The following BCAS3 variants were observed in gnomAD, a reference collection of about 807,000 sequenced individuals.
BCAS3 encodes the protein BCAS4/BCAS3 fusion.
A neutral mutation model predicts 116.1 loss-of-function variants in BCAS3; 53 were observed. That is an observed-to-expected ratio of 0.46 (90% CI 0.37 to 0.57). The LOEUF (loss-of-function observed/expected upper bound fraction) is 0.57. BCAS3 is among the 20% of genes least tolerant of loss of function. The pLI is 0.00. For missense variants in BCAS3, 917 were observed against 1,165.4 expected, an observed-to-expected ratio of 0.79 and a Z score of 3.10; for synonymous variants, 391 against 408.2, an observed-to-expected ratio of 0.96 and a Z score of 0.51.
intron 10 of BCAS3, 123 bp from the exon 11 acceptor site, chr17:60,902,497 C>A: frequency 1.3e-6 from 1 of 769,162 alleles, no homozygotes; most frequent in Non-Finnish European, 2.2e-6. Context: ...GAAATACACT[C>A]ATGCAAACAT....
In BCAS3 at chr17:61,007,976, G is replaced by C. The variant is rs1437152629; in HGVS notation, c.1487-7775G>C. ...ACAGGATTGTCCTTCAGTATTTTCTGTCTTTATTTGTCACCCAAACTGTTT... is the reference window on the plus strand; with the variant it reads ...ACAGGATTGTCCTTCAGTATTTTCTCTCTTTATTTGTCACCCAAACTGTTT... On this transcript the variant is annotated intron_variant, in intron 15 of 23. Coordinates refer to ENST00000407086, the MANE Select transcript of BCAS3 (RefSeq NM_017679.5). This position sits in a 1 kb window ranked among gnomAD's most constrained non-coding sequence, Gnocchi z 4.3. Among the ~76,000 whole-genome samples the C allele has an allele frequency of 6.6e-6, 1 of 151,968 alleles. No individual in the cohort carries two copies. The highest frequency in any genetic ancestry group is 2.4e-5 in the African/African-American group (1 of 41,380).
intron 13 of BCAS3, among the ~76,000 whole-genome samples, chr17:60,944,313 T>A (rs1340607480): frequency 6.6e-6 from 1 of 152,036 alleles, no homozygotes; most frequent in Non-Finnish European, 1.5e-5. Flanking sequence ...AAAGGATGAA[T>A]TCCTTGAATT....
intron 22 of BCAS3, among the ~76,000 whole-genome samples, chr17:61,116,237 AT>A (rs1176490583): frequency 3.0e-4 from 31 of 104,916 alleles, no homozygotes; most frequent in African/African-American, 1.0e-3. Flanking sequence ...AACTTAAAGT[AT>A]AATAAAAAAA....
rs569283828 is a variant in BCAS3, at chr17:61,186,390, G to A, written c.2425+101826G>A. On this transcript the variant is annotated intron_variant, in intron 22 of 23. Transcript: ENST00000407086. This position sits in a 1 kb window ranked among gnomAD's most constrained non-coding sequence, Gnocchi z 4.9. ...TGCTTAACGAAAACATTTTTAACCT[G>A]TGTGTTGATTTTATTACAATTATCT... Among the ~76,000 whole-genome samples the A allele has an allele frequency of 9.2e-5, 14 of 152,092 alleles. No individual in the cohort carries two copies. The highest frequency in any genetic ancestry group is 1.9e-4 in the Non-Finnish European group (13 of 68,020).
intron 21 of BCAS3, among the ~76,000 whole-genome samples, chr17:61,079,989 T>A (rs2072423204): frequency 6.7e-6 from 1 of 149,468 alleles, no homozygotes; most frequent in South Asian, 2.2e-4. Context: ...GAATGTATTC[T>A]AGCCTCCTGT....
intron 10 of BCAS3, among the ~76,000 whole-genome samples, chr17:60,897,256 G>A (rs944555468): frequency 2.6e-5 from 4 of 152,052 alleles, no homozygotes; most frequent in African/African-American, 7.2e-5. Context: ...GGCTTGTGAG[G>A]TTTCTGCTAA....
intron 7 of BCAS3, among the ~76,000 whole-genome samples, chr17:60,854,744 G>C (rs1279029442): frequency 6.6e-6 from 1 of 152,110 alleles, no homozygotes. Context: ...TACACTGTTG[G>C]TGGGACGGTA....
chr17:61,311,135 A>G (rs1886590767), intron 22 of BCAS3, among the ~76,000 whole-genome samples: 1 of 152,234 alleles, frequency 6.6e-6, no homozygotes, highest in Admixed American at 6.5e-5. Flanking sequence ...TTGGCAGTAA[A>G]TGCTATGTAG....
rs781312361 is a variant in BCAS3 at position 61,224,473 on chromosome 17, G to C, written c.2425+139909G>C. On this transcript the variant is annotated intron_variant, in intron 22 of 23. Coordinates refer to ENST00000407086, the MANE Select transcript of BCAS3 (RefSeq NM_017679.5). The surrounding 1 kb of genome is among the most constrained non-coding windows in gnomAD (Gnocchi z 5.7). ...GCTCGGAAAACAGGGTGTACATATGGGGACGAGCAGGTGGTTTGGTTTGCC... is the reference window on the plus strand; with the variant it reads ...GCTCGGAAAACAGGGTGTACATATGCGGACGAGCAGGTGGTTTGGTTTGCC... Among the ~76,000 whole-genome samples, 1 of 152,174 alleles carries C rather than the reference G, an allele frequency of 6.6e-6. No homozygotes were observed. Among genetic ancestry groups the C allele is most frequent in the Non-Finnish European group, 1.5e-5 (1 of 68,036 alleles).
At chr17:60,817,889 C>T (rs1366514409) in intron 7 of BCAS3, among the ~76,000 whole-genome samples, 16 of 148,960 alleles carry the variant, frequency 1.1e-4, no homozygotes, top group African/African-American at 3.2e-4. Flanking sequence ...GAGTCTCACT[C>T]TGTCACCCAG....
intron 14 of BCAS3, among the ~76,000 whole-genome samples, chr17:60,988,343 T>TC (rs201018521): frequency 0.065 from 9,097 of 140,480 alleles, 904 homozygotes; most frequent in African/African-American, 0.23. Flanking sequence ...TTTTTCTTTT[T>TC]TTTTTTTTTT....
Position 60,807,966 on chromosome 17 carries a change from T to C in BCAS3, c.404-38T>C, listed in dbSNP as rs772780280. The C allele has an allele frequency of 2.1e-6, 3 of 1,400,718 alleles. No individual in the cohort carries two copies. In the South Asian group the frequency reaches 3.7e-5, roughly 17 times the overall value. 86.8% of individuals were successfully genotyped at this position (1,400,718 alleles called of 1,614,324 possible). A position where few individuals can be genotyped will look rare whatever the true frequency, so the allele number is the denominator to read the frequency against. On this transcript the variant is annotated intron_variant, in intron 6 of 23. Coordinates refer to ENST00000407086, the MANE Select transcript of BCAS3 (RefSeq NM_017679.5). ...AATAGTGGGAATTATACAATAATATTCCTCAAAGCTTACAATTTATTTTAT... is the reference window on the plus strand; with the variant it reads ...AATAGTGGGAATTATACAATAATATCCCTCAAAGCTTACAATTTATTTTAT...
At chr17:61,192,073 T>C (rs2080166935) in intron 22 of BCAS3, among the ~76,000 whole-genome samples, 1 of 151,496 alleles carries the variant, frequency 6.6e-6, no homozygotes, top group East Asian at 1.9e-4. Flanking sequence ...GGTGAAACCC[T>C]ATCTCTACTA....
At chr17:61,359,534 G>A (rs1189435833) in intron 22 of BCAS3, among the ~76,000 whole-genome samples, 2 of 139,422 alleles carry the variant, frequency 1.4e-5, no homozygotes, top group African/African-American at 2.6e-5. Context: ...TCTCTTTGTT[G>A]CCCAGGCTGG....
rs185628883 is a variant in BCAS3, at chr17:61,219,018, A to C, written c.2425+134454A>C. Among the ~76,000 whole-genome samples the C allele has an allele frequency of 3.9e-5, 6 of 152,316 alleles. No individual in the cohort carries two copies. The highest frequency in any genetic ancestry group is 1.3e-4 in the Admixed American group (2 of 15,304). On this transcript the variant is annotated intron_variant, in intron 22 of 23. Transcript: ENST00000407086. The surrounding 1 kb of genome is among the most constrained non-coding windows in gnomAD (Gnocchi z 5.2). Reference sequence around the variant, plus strand: ...CAAGTAGTGTCACTTGAATCCAAAAAAGTGATCTCCCTCCTCATTTTCTGT... The same window carrying C: ...CAAGTAGTGTCACTTGAATCCAAAACAGTGATCTCCCTCCTCATTTTCTGT...
intron 22 of BCAS3, among the ~76,000 whole-genome samples, chr17:61,289,351 T>C (rs1417469029): frequency 6.6e-6 from 1 of 152,268 alleles, no homozygotes; most frequent in Non-Finnish European, 1.5e-5. Flanking sequence ...GCTTCCTTTT[T>C]GCTCTTCGCT....
chr17:61,159,842 CTT>C (rs1017489970), intron 22 of BCAS3, among the ~76,000 whole-genome samples: 6 of 152,172 alleles, frequency 3.9e-5, no homozygotes, highest in African/African-American at 1.4e-4. Flanking sequence ...ACCATAAGAA[CTT>C]TCAAAATCCA....
chr17:61,098,939 A>G lies in BCAS3; in HGVS notation c.2425+14375A>G, dbSNP rs928548754. On this transcript the variant is annotated intron_variant, in intron 22 of 23. Transcript: ENST00000407086. This position sits in a 1 kb window ranked among gnomAD's most constrained non-coding sequence, Gnocchi z 4.2. ...GGAGATCGAGATCATCCTGGCTAAC[A>G]CGGTGAAACCCCATCTCTACTAAAA... Among the ~76,000 whole-genome samples the G allele has an allele frequency of 4.6e-5, 7 of 152,036 alleles. No individual in the cohort carries two copies. The highest frequency in any genetic ancestry group is 1.0e-4 in the Non-Finnish European group (7 of 68,018).
rs1005725495 is a variant in BCAS3, at chr17:61,214,249, C to T, written c.2425+129685C>T. Among the ~76,000 whole-genome samples the T allele has an allele frequency of 1.3e-5, 2 of 151,966 alleles. No homozygotes were observed. The highest frequency in any genetic ancestry group is 4.8e-5 in the African/African-American group (2 of 41,336). The stretch of plus-strand genomic sequence containing the variant: ...GGTGTGGTGGCAGGCACCTGTAATC[C>T]CAGCTACTTGGGAGGCCAAGGCAGG... On this transcript the variant is annotated intron_variant, in intron 22 of 23. Transcript: ENST00000407086. This position sits in a 1 kb window ranked among gnomAD's most constrained non-coding sequence, Gnocchi z 4.4.
Sources: gnomAD v4.1 joint callset for allele counts (sites outside exome capture counted in the v4.1 genomes callset) on GRCh38, gnomAD v4.1.1 for gene constraint, Gnocchi (gnomAD v3.1) non-coding constraint, MANE v1.5 for transcripts, NCBI Gene and HGNC (gene_info 2026-07-23, HGNC 2026-07-21) for gene names.